ZNF532: variants seen among roughly 807,000 people sequenced by gnomAD.
The protein encoded by ZNF532 is zinc finger protein 532.
Under a neutral mutation model 89.3 loss-of-function variants are expected in ZNF532, and 22 were observed. That is an observed-to-expected ratio of 0.25 (90% CI 0.18 to 0.35). The LOEUF (loss-of-function observed/expected upper bound fraction) is 0.35, where lower values mean the gene tolerates loss of function less well. ZNF532 is among the 10% of genes least tolerant of loss of function. The probability of loss-of-function intolerance (pLI) is 1.00; values close to 1 mark genes in which losing one functional copy is unlikely to be tolerated. For synonymous variants in ZNF532, 606 were observed against 649.6 expected (o/e 0.93, Z 1.02); for missense variants, 1,132 against 1,643.4 (o/e 0.69, Z 5.38).
rs368380563 is a variant in ZNF532, at chr18:58,920,142, T to C, written c.1855T>C (p.Leu619=). 1 of 1,613,990 alleles carries C rather than the reference T, an allele frequency of 6.2e-7. No homozygotes were observed. Among genetic ancestry groups the C allele is most frequent in the Non-Finnish European group, 8.5e-7 (1 of 1,179,878 alleles). ...ITLPTRGYKC[L]ECGDSFALEK... is the part of the protein sequence containing the mutation. Reference sequence around the variant, plus strand: ...GTTACCGACGCGTGGGTACAAGTGCTTGGAGTGTGGGGACTCCTTTGCACT... The same window carrying C: ...GTTACCGACGCGTGGGTACAAGTGCCTGGAGTGTGGGGACTCCTTTGCACT... Residue 619 remains leucine, a synonymous_variant, in exon 3 of 10, where the codon TTG becomes CTG. Transcript: ENST00000591808.
In ZNF532 at chr18:58,919,130, G is replaced by A. The variant is rs373769213; in HGVS notation, c.843G>A (p.Lys281=). 65 of 1,614,048 alleles carry A rather than the reference G, an allele frequency of 4.0e-5. No individual in the cohort carries two copies. The highest frequency in any genetic ancestry group is 2.2e-4 in the East Asian group (10 of 44,892). The change falls in exon 3 of 10, where the codon AAG becomes AAA. Residue 281 remains lysine (K), a synonymous_variant. Transcript: ENST00000591808. The surrounding 1 kb of genome is among the most constrained non-coding windows in gnomAD (Gnocchi z 6.1). Reference sequence around the variant, plus strand: ...CCATCGCGGCTCTCAGCGCTAAAAAGGCGGCTTCAGACTCCTGCAAAGAAC... The same window carrying A: ...CCATCGCGGCTCTCAGCGCTAAAAAAGCGGCTTCAGACTCCTGCAAAGAAC... ...IAAIAALSAK[K]AASDSCKEPV...
rs149167504 is a variant in ZNF532 at position 58,867,214 on chromosome 18, A to G, written c.-18+1635A>G. 2.8e-3 allele frequency among the ~76,000 whole-genome samples: 433 copies of G among 151,970 alleles called. 2 individuals carry two copies. The highest frequency in any genetic ancestry group is 0.01 in the African/African-American group (416 of 41,438). ...AGCTAACCCCTTGCCACGGCTATACAGTGCGAATATGTTTTAAAAAACCTC... is the reference window on the plus strand; with the variant it reads ...AGCTAACCCCTTGCCACGGCTATACGGTGCGAATATGTTTTAAAAAACCTC... On this transcript the variant is annotated intron_variant, in intron 2 of 9. Transcript: ENST00000591808.
intron 2 of ZNF532, among the ~76,000 whole-genome samples, chr18:58,886,716 A>C (rs1474521237): frequency 6.6e-6 from 1 of 152,222 alleles, no homozygotes; most frequent in Non-Finnish European, 1.5e-5. Flanking sequence ...GTTTTTGTAC[A>C]TGTGATCCTC....
At chr18:58,971,545 T>C (rs1021906048) in intron 7 of ZNF532, among the ~76,000 whole-genome samples, 3 of 152,198 alleles carry the variant, frequency 2.0e-5, no homozygotes, top group Admixed American at 2.0e-4. Flanking sequence ...AGTTGAGTAG[T>C]TGCAACAGAA....
In ZNF532 at chr18:58,919,122, G is replaced by A. The variant is rs781670660; in HGVS notation, c.835G>A (p.Ala279Thr). The change falls in exon 3 of 10, where the codon GCT (alanine) becomes ACT (threonine). Residue 279 changes from alanine (A) to threonine (T), a missense_variant. Ala to Thr is a moderately conservative substitution (Grantham distance 58). This residue lies in a region of ZNF532 where 302 missense variants were observed against 319.8 expected (regional missense o/e 0.94). Coordinates refer to ENST00000591808, the MANE Select transcript of ZNF532 (RefSeq NM_001375912.1). This position sits in a 1 kb window ranked among gnomAD's most constrained non-coding sequence, Gnocchi z 6.1. ...CATCGCTGCCATCGCGGCTCTCAGC[G>A]CTAAAAAGGCGGCTTCAGACTCCTG... is the stretch of plus-strand genomic sequence containing the variant. ...SCIAAIAALS[A>T]KKAASDSCKE... 5 of 1,614,166 alleles carry A rather than the reference G, an allele frequency of 3.1e-6. No individual in the cohort carries two copies. Among genetic ancestry groups the A allele is most frequent in the South Asian group, 1.1e-5 (1 of 91,082 alleles).
intron 2 of ZNF532, among the ~76,000 whole-genome samples, chr18:58,888,891 T>TTTA (rs1555709739): frequency 1.1e-4 from 4 of 37,276 alleles, no homozygotes; most frequent in Non-Finnish European, 1.7e-4. Flanking sequence ...TATATATATT[T>TTTA]TATATATATA....
chr18:58,879,199 G>T, intron 2 of ZNF532, among the ~76,000 whole-genome samples: 1 of 152,174 alleles, frequency 6.6e-6, no homozygotes, highest in Non-Finnish European at 1.5e-5. Context: ...TGATACATTA[G>T]CGTCTCTTGT....
chr18:58,984,580 A>T lies in ZNF532; in HGVS notation c.*114A>T. 1.5e-6 allele frequency: 2 copies of T among 1,303,076 alleles called. No individual in the cohort carries two copies. Among genetic ancestry groups the T allele is most frequent in the Non-Finnish European group, 2.1e-6 (2 of 965,018 alleles). 80.7% of individuals were successfully genotyped at this position (1,303,076 alleles called of 1,614,324 possible). ...AGTACTGTCTAGGCTGTTGCAATATATTCTCTTTCAATGTACCTTCCTTCA... is the reference window on the plus strand; with the variant it reads ...AGTACTGTCTAGGCTGTTGCAATATTTTCTCTTTCAATGTACCTTCCTTCA... On this transcript the variant is annotated 3_prime_UTR_variant, in exon 10 of 10. Coordinates refer to ENST00000591808, the MANE Select transcript of ZNF532 (RefSeq NM_001375912.1).
intron 2 of ZNF532, among the ~76,000 whole-genome samples, chr18:58,878,440 G>C (rs576726872): frequency 9.2e-5 from 14 of 152,354 alleles, no homozygotes; most frequent in Admixed American, 9.1e-4. Context: ...AAAGATCTGT[G>C]ATCTGTGGTG....
At chr18:58,965,429 C>T (rs2065825766) in intron 7 of ZNF532, among the ~76,000 whole-genome samples, 1 of 152,206 alleles carries the variant, frequency 6.6e-6, no homozygotes, top group Non-Finnish European at 1.5e-5. Flanking sequence ...AGGTTTCTAG[C>T]CCAGACTCTG....
chr18:58,972,429 A>AC (rs1568454792), intron 7 of ZNF532, among the ~76,000 whole-genome samples: 5 of 152,180 alleles, frequency 3.3e-5, no homozygotes, highest in Non-Finnish European at 7.3e-5. Flanking sequence ...ATTGTGCAAT[A>AC]AGCATTTGTT....
intron 6 of ZNF532, among the ~76,000 whole-genome samples, chr18:58,950,210 T>TTGTGGTTAGGGTCTTCCTTG (rs2064029558): frequency 6.6e-6 from 1 of 152,158 alleles, no homozygotes; most frequent in Non-Finnish European, 1.5e-5. Context: ...GTCATCGACT[T>TTGTGGTTAGGGTCTTCCTTG]TGTGGTTAGG....
chr18:58,899,259 G>C (rs1413082364), intron 2 of ZNF532, among the ~76,000 whole-genome samples: 1 of 152,172 alleles, frequency 6.6e-6, no homozygotes, highest in African/African-American at 2.4e-5. Context: ...AAAAATACAA[G>C]ATGCTCAGAT....
chr18:58,913,056 G>A (rs2060378427), intron 2 of ZNF532, among the ~76,000 whole-genome samples: 1 of 152,216 alleles, frequency 6.6e-6, no homozygotes, highest in Non-Finnish European at 1.5e-5. Flanking sequence ...GAGAAAATAG[G>A]TTTCCCTGAT....
intron 2 of ZNF532, among the ~76,000 whole-genome samples, chr18:58,868,249 A>C (rs141069401): frequency 2.0e-4 from 30 of 152,342 alleles, no homozygotes; most frequent in Admixed American, 5.2e-4. Context: ...CTTGATAAAC[A>C]TTATGGAAAC....
chr18:58,935,814 G>C (rs568342692), intron 4 of ZNF532, among the ~76,000 whole-genome samples: 6 of 151,786 alleles, frequency 4.0e-5, no homozygotes, highest in Admixed American at 3.3e-4. Context: ...TGCTTACCTG[G>C]TAACTTTGTT....
At chr18:58,871,083 T>G (rs967581724) in intron 2 of ZNF532, among the ~76,000 whole-genome samples, 12 of 152,090 alleles carry the variant, frequency 7.9e-5, no homozygotes, top group African/African-American at 2.7e-4. Flanking sequence ...GTAAAAACCA[T>G]AAACGAAGCG....
In ZNF532 at chr18:58,981,137, G is replaced by A. The variant is rs2061864940; in HGVS notation, c.3264-333G>A. 3 of 276,788 alleles carry A rather than the reference G, an allele frequency of 1.1e-5. No homozygotes were observed. The Admixed American group carries it at 1.5e-4, about 14-fold the overall frequency. The allele number at this position is 276,788 out of a possible 1,614,324, so 17.1% of individuals were successfully genotyped here. The stretch of plus-strand genomic sequence containing the variant: ...ACACTCATGTCTTTGTCAAGGCAGA[G>A]GACAGGGATAATTAACAGCAGCACA... On this transcript the variant is annotated intron_variant, in intron 8 of 9. Coordinates refer to ENST00000591808, the MANE Select transcript of ZNF532 (RefSeq NM_001375912.1).
rs34144171 is a variant in ZNF532 at position 58,958,327 on chromosome 18, TA to T, written c.3150+4534del. On this transcript the variant is annotated intron_variant, in intron 7 of 9. Transcript: ENST00000591808. ...TTGCTGAATTACTGCTTTAGCTATT[TA>T]AAAAAGAAAAACAGTTAAAGCAGCA... Among the ~76,000 whole-genome samples, 3 of 152,182 alleles carry T rather than the reference TA, an allele frequency of 2.0e-5. No individual in the cohort carries two copies. In the East Asian group the frequency reaches 5.8e-4, roughly 29 times the overall value.
Sources: gnomAD v4.1 joint callset for allele counts (sites outside exome capture counted in the v4.1 genomes callset) on GRCh38, gnomAD v4.1.1 for gene constraint, gnomAD v4.1.1 regional missense constraint, Gnocchi (gnomAD v3.1) non-coding constraint, MANE v1.5 for transcripts, NCBI Gene and HGNC (gene_info 2026-07-23, HGNC 2026-07-21) for gene names.